The following CD99L2 variants were observed in gnomAD, a reference collection of about 807,000 sequenced individuals.
The protein encoded by CD99L2 is CD99 molecule like 2, also known as CD99 antigen-like protein 2.
Under a neutral mutation model 27.3 loss-of-function variants are expected in CD99L2, and 24 were observed. The observed-to-expected ratio is 0.88, with a 90% CI of 0.64 to 1.24. The LOEUF is 1.24. CD99L2 is among the 50% of genes most tolerant of loss of function. The pLI is 0.00. For missense variants in CD99L2, 255 were observed against 221.6 expected (o/e 1.15, Z -0.96); for synonymous variants, 97 against 87.9 (o/e 1.10, Z -0.58).
At chrX:150,876,696 A>C (rs1205697906) in intron 1 of CD99L2, among the ~76,000 whole-genome samples, 1 of 112,338 alleles carries the variant, frequency 8.9e-6, no homozygotes, top group Non-Finnish European at 1.9e-5. Context: ...TCATCATAGA[A>C]ATACACACAT....
chrX:150,840,937 GA>G (rs1354553708), intron 1 of CD99L2, among the ~76,000 whole-genome samples: 6 of 108,993 alleles, frequency 5.5e-5, no homozygotes, highest in African/African-American at 1.7e-4. Flanking sequence ...CTTGGTGGGG[GA>G]AAAAAAAGTT....
At chrX:150,778,149 G>A (rs376513236) in intron 7 of CD99L2, among the ~76,000 whole-genome samples, 3 of 110,176 alleles carry the variant, frequency 2.7e-5, no homozygotes, top group Non-Finnish European at 5.7e-5. Flanking sequence ...AATCACACAC[G>A]ATAGTACTGC....
At chrX:150,778,683 A>ATATATATATAT (rs1557419363) in intron 7 of CD99L2, among the ~76,000 whole-genome samples, 35 of 27,194 alleles carry the variant, frequency 1.3e-3, no homozygotes, top group African/African-American at 2.6e-3. Flanking sequence ...TAAAAAAAAA[A>ATATATATATAT]AAATATATAT....
At chrX:150,834,522 A>G (rs1265603592) in intron 1 of CD99L2, among the ~76,000 whole-genome samples, 27 of 111,994 alleles carry the variant, frequency 2.4e-4, no homozygotes, top group Admixed American at 2.3e-3. Flanking sequence ...AAAAACAAAC[A>G]AAAATGTGAT....
At chrX:150,850,693 T>C (rs782523450) in intron 1 of CD99L2, among the ~76,000 whole-genome samples, 11 of 112,342 alleles carry the variant, frequency 9.8e-5, no homozygotes, top group Non-Finnish European at 1.7e-4. Context: ...TAGTTGCAAC[T>C]CAACTACTTG....
At chrX:150,812,659 G>GT (rs1210361711) in intron 4 of CD99L2, among the ~76,000 whole-genome samples, 1 of 112,495 alleles carries the variant, frequency 8.9e-6, no homozygotes, top group Admixed American at 9.4e-5. Flanking sequence ...AACTAAACAT[G>GT]TAACTACCAT....
intron 4 of CD99L2, among the ~76,000 whole-genome samples, chrX:150,814,303 C>T (rs990467206): frequency 2.8e-4 from 31 of 112,052 alleles, no homozygotes; most frequent in African/African-American, 1.0e-3. Flanking sequence ...GTGTCCTATC[C>T]GAGAAGATTA....
chrX:150,779,640 G>C (rs1557419396), intron 7 of CD99L2, among the ~76,000 whole-genome samples: 1 of 112,275 alleles, frequency 8.9e-6, no homozygotes, highest in African/African-American at 3.2e-5. Flanking sequence ...AATGCACACT[G>C]TGCAAAAGAT....
chrX:150,771,827 A>G lies in CD99L2; in HGVS notation c.656-1458T>C. ...TACCTTGACCTGCTGCTGCATCTGA[A>G]GGCAAGACACAAAGCTTAGAATCCC... On this transcript the variant is annotated intron_variant, in intron 9 of 10. Coordinates refer to ENST00000370377, the MANE Select transcript of CD99L2 (RefSeq NM_031462.4). The G allele has an allele frequency of 2.6e-6, 3 of 1,155,717 alleles. No individual in the cohort carries two copies. The South Asian group carries it at 5.7e-5, about 22-fold the overall frequency.
intron 1 of CD99L2, among the ~76,000 whole-genome samples, chrX:150,896,182 G>A (rs1180703608): frequency 1.8e-5 from 2 of 111,239 alleles, no homozygotes; most frequent in African/African-American, 6.5e-5. Flanking sequence ...GGCGGATCAC[G>A]AGGTCAGGAG....
intron 4 of CD99L2, among the ~76,000 whole-genome samples, chrX:150,797,154 A>G (rs181232791): frequency 9.0e-6 from 1 of 111,549 alleles, no homozygotes; most frequent in East Asian, 2.8e-4. Context: ...AAATAAACAC[A>G]AGAGCAGAGA....
At chrX:150,895,534 G>A (rs1000412242) in intron 1 of CD99L2, among the ~76,000 whole-genome samples, 1 of 110,610 alleles carries the variant, frequency 9.0e-6, no homozygotes, top group Non-Finnish European at 1.9e-5. Context: ...TCCCACTACT[G>A]AGGACCAGGA....
At chrX:150,854,010 G>A (rs782116044) in intron 1 of CD99L2, among the ~76,000 whole-genome samples, 2 of 111,456 alleles carry the variant, frequency 1.8e-5, no homozygotes, top group African/African-American at 3.3e-5. Context: ...TAGGCAAGAT[G>A]TACCTCCTTT....
chrX:150,895,995 T>C (rs1463123430), intron 1 of CD99L2, among the ~76,000 whole-genome samples: 12 of 86,918 alleles, frequency 1.4e-4, no homozygotes, highest in African/African-American at 5.1e-4. Context: ...CACTGCACTC[T>C]AGTCTGGGCG....
intron 4 of CD99L2, among the ~76,000 whole-genome samples, chrX:150,808,412 G>A (rs1005014488): frequency 8.9e-6 from 1 of 112,344 alleles, no homozygotes; most frequent in South Asian, 3.7e-4. Flanking sequence ...AGCATGAACC[G>A]AGGCAGTGGC....
chrX:150,817,441 T>C (rs1292199381), intron 2 of CD99L2, among the ~76,000 whole-genome samples: 6 of 111,296 alleles, frequency 5.4e-5, no homozygotes, highest in African/African-American at 2.0e-4. Context: ...ACTGGAAATA[T>C]TAGGTCTTTT....
In CD99L2 at chrX:150,802,940, G is replaced by C. The variant is rs782448869; in HGVS notation, c.278-7454C>G. Among the ~76,000 whole-genome samples, 8 of 82,599 alleles carry C rather than the reference G, an allele frequency of 9.7e-5. No individual in the cohort carries two copies. The South Asian group carries it at 3.6e-3, about 37-fold the overall frequency. The allele number at this position is 82,599 out of a possible 115,157, so 71.7% of individuals were successfully genotyped here. ...AGACAGAGTCTCACTTTGTCGCCCA[G>C]GCTGGAGTGCAATAGCGAGATCTCA... On this transcript the variant is annotated intron_variant, in intron 4 of 10. Coordinates refer to ENST00000370377, the MANE Select transcript of CD99L2 (RefSeq NM_031462.4).
chrX:150,852,047 T>C (rs781927231), intron 1 of CD99L2, among the ~76,000 whole-genome samples: 2 of 111,868 alleles, frequency 1.8e-5, no homozygotes, highest in South Asian at 3.7e-4. Context: ...GTTTCAAGCA[T>C]TTAAATTGTT....
At chrX:150,857,205 A>G (rs2046904592) in intron 1 of CD99L2, among the ~76,000 whole-genome samples, 1 of 111,898 alleles carries the variant, frequency 8.9e-6, no homozygotes, top group South Asian at 3.7e-4. Flanking sequence ...TAATAAAATA[A>G]TAGATGAAAA....
Sources: gnomAD v4.1 joint callset for allele counts (sites outside exome capture counted in the v4.1 genomes callset) on GRCh38, gnomAD v4.1.1 for gene constraint, MANE v1.5 for transcripts, NCBI Gene and HGNC (gene_info 2026-07-23, HGNC 2026-07-21) for gene names.